CTNNA3: variants seen among roughly 807,000 people sequenced by gnomAD.
The protein encoded by CTNNA3 is catenin alpha-3.
CTNNA3 carries 76 observed loss-of-function variants against 95.7 expected under a neutral mutation model. The observed-to-expected ratio is 0.79, with a 90% CI of 0.66 to 0.96. CTNNA3 has a LOEUF of 0.96. CTNNA3 is among the 40% of genes least tolerant of loss of function. The pLI is 0.00. For synonymous variants in CTNNA3, 431 were observed against 374.4 expected, an observed-to-expected ratio of 1.15 and a Z score of -1.74; for missense variants, 1,191 against 1,089.8, an observed-to-expected ratio of 1.09 and a Z score of -1.31.
intron 11 of CTNNA3, among the ~76,000 whole-genome samples, chr10:66,392,728 A>T (rs1244199324): frequency 6.6e-6 from 1 of 152,094 alleles, no homozygotes. Context: ...CACTGATAAC[A>T]CCAAACACTG....
At chr10:66,041,783 G>A (rs183327517) in intron 15 of CTNNA3, among the ~76,000 whole-genome samples, 41 of 151,812 alleles carry the variant, frequency 2.7e-4, no homozygotes, top group Non-Finnish European at 5.0e-4. Context: ...TTGTCATCCT[G>A]ATCCAGATTC....
chr10:66,102,466 C>T (rs75154744), intron 14 of CTNNA3, among the ~76,000 whole-genome samples: 3,247 of 152,174 alleles, frequency 0.021, 110 homozygotes, highest in African/African-American at 0.074. Flanking sequence ...AGTAACACTC[C>T]AGAAGGAGGT....
intron 7 of CTNNA3, among the ~76,000 whole-genome samples, chr10:66,908,028 A>C (rs1341007337): frequency 6.6e-6 from 1 of 152,180 alleles, no homozygotes; most frequent in East Asian, 1.9e-4. Context: ...CACATCTGGG[A>C]ATTGTCTACT....
At chr10:67,214,615 T>G (rs1564980016) in intron 6 of CTNNA3, among the ~76,000 whole-genome samples, 1 of 151,998 alleles carries the variant, frequency 6.6e-6, no homozygotes, top group Non-Finnish European at 1.5e-5. Flanking sequence ...TTTATTTTTC[T>G]TTAACAATTT....
At chr10:66,940,277 G>A (rs1170252288) in intron 7 of CTNNA3, among the ~76,000 whole-genome samples, 1 of 152,040 alleles carries the variant, frequency 6.6e-6, no homozygotes, top group African/African-American at 2.4e-5. Flanking sequence ...AGGCAAGGAG[G>A]ATCACTTGAG....
intron 10 of CTNNA3, among the ~76,000 whole-genome samples, chr10:66,528,872 G>A: frequency 6.7e-6 from 1 of 150,106 alleles, no homozygotes; most frequent in Admixed American, 6.6e-5. Context: ...CATTTTAGAG[G>A]TGATCAAGAG....
At chr10:67,295,038 C>T (rs1211915759) in intron 5 of CTNNA3, among the ~76,000 whole-genome samples, 1 of 152,142 alleles carries the variant, frequency 6.6e-6, no homozygotes, top group Non-Finnish European at 1.5e-5. Context: ...TAATTCACCC[C>T]AAAGATGCTA....
intron 7 of CTNNA3, among the ~76,000 whole-genome samples, chr10:67,074,402 G>A (rs1033020492): frequency 8.0e-6 from 1 of 125,514 alleles, no homozygotes. Flanking sequence ...CCAGGCTGAA[G>A]TGCAGTGGCA....
chr10:67,310,210 A>G (rs1840731093), intron 5 of CTNNA3, among the ~76,000 whole-genome samples: 1 of 152,140 alleles, frequency 6.6e-6, no homozygotes, highest in African/African-American at 2.4e-5. Flanking sequence ...CTCCTAGTCT[A>G]TTTTACCACT....
chr10:67,208,780 A>G (rs1270321312), intron 6 of CTNNA3, among the ~76,000 whole-genome samples: 1 of 152,164 alleles, frequency 6.6e-6, no homozygotes, highest in Non-Finnish European at 1.5e-5. Flanking sequence ...ATAATTGTAT[A>G]ATTATTTTAC....
intron 12 of CTNNA3, among the ~76,000 whole-genome samples, chr10:66,373,792 C>G (rs564421208): frequency 6.6e-6 from 1 of 152,322 alleles, no homozygotes; most frequent in African/African-American, 2.4e-5. Flanking sequence ...GATCTTTCAA[C>G]AGACGTAGTT....
intron 3 of CTNNA3, among the ~76,000 whole-genome samples, chr10:67,585,080 G>GC (rs1842579648): frequency 6.6e-6 from 1 of 152,156 alleles, no homozygotes; most frequent in African/African-American, 2.4e-5. Flanking sequence ...TGTCCAACAA[G>GC]CCCCAGTGAG....
chr10:66,805,717 C>T (rs966235796), intron 7 of CTNNA3, among the ~76,000 whole-genome samples: 2 of 151,872 alleles, frequency 1.3e-5, no homozygotes, highest in African/African-American at 4.8e-5. Context: ...AAAGTACAAG[C>T]TGAGGTTCTA....
At chr10:66,751,420 G>C (rs1168930876) in intron 9 of CTNNA3, among the ~76,000 whole-genome samples, 1 of 152,108 alleles carries the variant, frequency 6.6e-6, no homozygotes, top group East Asian at 1.9e-4. Context: ...TTTTGACATA[G>C]ACAATCATGT....
intron 7 of CTNNA3, among the ~76,000 whole-genome samples, chr10:67,147,866 T>C (rs1329824991): frequency 6.6e-6 from 1 of 152,188 alleles, no homozygotes; most frequent in Non-Finnish European, 1.5e-5. Context: ...CATTTAGACA[T>C]TATTTGCATT....
At chr10:66,427,537 A>C (rs4320848) in intron 11 of CTNNA3, among the ~76,000 whole-genome samples, 58,022 of 151,828 alleles carry the variant, frequency 0.38, 11,653 homozygotes, top group African/African-American at 0.5. Context: ...TAATGTGTTT[A>C]TCTAACTAGA....
At chr10:67,451,678 T>C (rs2132963908) in intron 5 of CTNNA3, among the ~76,000 whole-genome samples, 1 of 152,330 alleles carries the variant, frequency 6.6e-6, no homozygotes, top group African/African-American at 2.4e-5. Flanking sequence ...ATTTTGCTCT[T>C]CAACTGTGCC....
chr10:66,193,558 A>G (rs1435822947), intron 13 of CTNNA3, among the ~76,000 whole-genome samples: 1 of 152,186 alleles, frequency 6.6e-6, no homozygotes, highest in Non-Finnish European at 1.5e-5. Flanking sequence ...CTCTAAAAGA[A>G]TTTTCACCTC....
At chr10:66,880,873 C>T (rs930332362) in intron 7 of CTNNA3, among the ~76,000 whole-genome samples, 3 of 152,124 alleles carry the variant, frequency 2.0e-5, no homozygotes, top group Admixed American at 2.0e-4. Context: ...TACAGCCTTA[C>T]AACTCTTAGG....
Sources: allele counts gnomAD v4.1 joint callset (sites outside exome capture counted in the v4.1 genomes callset), GRCh38; gene constraint gnomAD v4.1.1; transcripts MANE v1.5; gene names NCBI Gene and HGNC (gene_info 2026-07-23, HGNC 2026-07-21).